The following PDE11A variants were observed in gnomAD, a reference collection of about 807,000 sequenced individuals.
PDE11A encodes dual 3',5'-cyclic-AMP and -GMP phosphodiesterase 11A.
In PDE11A, 100 loss-of-function variants were observed where a neutral mutation model predicts 100.5. That is an observed-to-expected ratio of 1.00 (90% CI 0.85 to 1.18). The LOEUF is 1.18. Ranked by LOEUF, PDE11A falls within the 50% of genes most tolerant of loss-of-function variation. PDE11A has a pLI of 0.00. For missense variants in PDE11A, 1,141 were observed against 1,152.6 expected, an observed-to-expected ratio of 0.99 and a Z score of 0.15; for synonymous variants, 381 against 420.8, an observed-to-expected ratio of 0.91 and a Z score of 1.16.
At chr2:177,929,825 G>A (rs543788185) in intron 2 of PDE11A, among the ~76,000 whole-genome samples, 9 of 152,292 alleles carry the variant, frequency 5.9e-5, no homozygotes, top group Admixed American at 4.6e-4. Flanking sequence ...CTGCTCCTGT[G>A]TGGGACTCTA....
chr2:177,639,399 G>T (rs555417814), intron 19 of PDE11A, among the ~76,000 whole-genome samples: 1 of 152,078 alleles, frequency 6.6e-6, no homozygotes, highest in South Asian at 2.1e-4. Context: ...TGGAAACAAG[G>T]CCTTTTATCT....
chr2:177,894,498 G>T (rs572690593), intron 4 of PDE11A, among the ~76,000 whole-genome samples: 4 of 152,112 alleles, frequency 2.6e-5, no homozygotes, highest in African/African-American at 9.6e-5. Flanking sequence ...CCCCCTCTTG[G>T]CCAAGGGGAC....
chr2:177,871,562 ATTATTAT>A (rs1327880165), intron 5 of PDE11A, among the ~76,000 whole-genome samples: 4 of 146,440 alleles, frequency 2.7e-5, no homozygotes, highest in Non-Finnish European at 6.0e-5. Flanking sequence ...TATTATTATT[ATTATTAT>A]TATTTTAAAT....
At chr2:178,010,601 G>C (rs910191674) in intron 2 of PDE11A, among the ~76,000 whole-genome samples, 11 of 152,258 alleles carry the variant, frequency 7.2e-5, no homozygotes, top group African/African-American at 2.6e-4. Context: ...AAGGTAATTT[G>C]TTCAAGATGT....
intron 2 of PDE11A, among the ~76,000 whole-genome samples, chr2:177,944,745 C>T (rs961354101): frequency 1.5e-4 from 23 of 151,748 alleles, no homozygotes; most frequent in African/African-American, 5.6e-4. Context: ...AGAGAGGGAG[C>T]GTGGAGCCTC....
At chr2:177,922,022 AC>A (rs2085056886) in intron 2 of PDE11A, 1 of 152,212 alleles carries the variant, frequency 6.6e-6, no homozygotes, top group South Asian at 2.1e-4. Context: ...TGTTAACTTT[AC>A]AAAACTTTCC....
intron 2 of PDE11A, among the ~76,000 whole-genome samples, chr2:177,929,158 TCC>T (rs2085172655): frequency 7.9e-6 from 1 of 126,814 alleles, no homozygotes; most frequent in Non-Finnish European, 1.8e-5. Flanking sequence ...CATCCAAATC[TCC>T]TAATCTCCTC....
intron 13 of PDE11A, among the ~76,000 whole-genome samples, chr2:177,703,324 CAT>C (rs1052188321): frequency 6.6e-6 from 1 of 152,184 alleles, no homozygotes; most frequent in Non-Finnish European, 1.5e-5. Context: ...CTCATTTACA[CAT>C]GAGGAAAACA....
intron 2 of PDE11A, among the ~76,000 whole-genome samples, chr2:177,957,910 C>CTTTTCTTTTTTTTTTTTTTTTTT (rs2085584697): frequency 8.7e-6 from 1 of 114,468 alleles, no homozygotes; most frequent in African/African-American, 4.1e-5. Flanking sequence ...TTTCCAATGC[C>CTTTTCTTTTTTTTTTTTTTTTTT]TTTTTTTTGA....
At chr2:177,709,284 G>A (rs184112582) in intron 13 of PDE11A, among the ~76,000 whole-genome samples, 152 of 152,338 alleles carry the variant, frequency 1.0e-3, no homozygotes, top group African/African-American at 3.3e-3. Flanking sequence ...TTATTCTGGA[G>A]TGCCAAGCAG....
chr2:177,819,067 C>T lies in PDE11A; in HGVS notation c.1577-1142G>A, dbSNP rs149017740. Among the ~76,000 whole-genome samples the T allele has an allele frequency of 6.6e-3, 1,011 of 152,096 alleles. 7 individuals are homozygous for T. Among genetic ancestry groups the T allele is most frequent in the Non-Finnish European group, 0.012 (820 of 67,934 alleles). ...CTTTTAGGATTGAAATGTAGGACTA[C>T]GAGATTGCCACGGAATATCAACAGG... On this transcript the variant is annotated intron_variant, in intron 7 of 19. Coordinates refer to ENST00000286063, the MANE Select transcript of PDE11A (RefSeq NM_016953.4).
intron 2 of PDE11A, among the ~76,000 whole-genome samples, chr2:177,932,511 T>G (rs1425199022): frequency 6.6e-6 from 1 of 152,060 alleles, no homozygotes; most frequent in East Asian, 1.9e-4. Flanking sequence ...TGGTTCAACA[T>G]ACACAAATTA....
chr2:178,046,649 G>C (rs2086754814), intron 1 of PDE11A, among the ~76,000 whole-genome samples: 1 of 152,166 alleles, frequency 6.6e-6, no homozygotes, highest in Non-Finnish European at 1.5e-5. Flanking sequence ...AAGTCAGGCA[G>C]GGCTGACTTA....
chr2:178,075,334 C>T (rs913658292), upstream of PDE11A, among the ~76,000 whole-genome samples: 5 of 152,072 alleles, frequency 3.3e-5, no homozygotes, highest in African/African-American at 7.2e-5. Flanking sequence ...AGGCAGATCA[C>T]TTGGGGTCAA....
At chr2:177,884,963 TC>T (rs1358056641) in intron 4 of PDE11A, among the ~76,000 whole-genome samples, 7 of 152,184 alleles carry the variant, frequency 4.6e-5, no homozygotes, top group Non-Finnish European at 7.3e-5. Context: ...TGGTGATGGT[TC>T]TATTGGCTAA....
intron 1 of PDE11A, among the ~76,000 whole-genome samples, chr2:178,041,903 T>C (rs1452884912): frequency 6.6e-6 from 1 of 152,214 alleles, no homozygotes; most frequent in Admixed American, 6.5e-5. Flanking sequence ...ACCTTGAACA[T>C]AAATTTCTGA....
intron 10 of PDE11A, among the ~76,000 whole-genome samples, chr2:177,760,798 C>A (rs2082158067): frequency 6.6e-6 from 1 of 152,148 alleles, no homozygotes; most frequent in African/African-American, 2.4e-5. Context: ...ACCCTTCAGC[C>A]AGACATTGTC....
At chr2:178,050,016 C>T (rs963315812) in intron 1 of PDE11A, among the ~76,000 whole-genome samples, 6 of 152,160 alleles carry the variant, frequency 3.9e-5, no homozygotes, top group African/African-American at 1.2e-4. Flanking sequence ...TCTCCCAGCA[C>T]GGAGTTTGAG....
rs116592526 is a variant in PDE11A at position 177,823,468 on chromosome 2, T to C, written c.1501-3173A>G. Among the ~76,000 whole-genome samples the C allele has an allele frequency of 1.5e-3, 232 of 152,284 alleles. 3 individuals carry two copies. Among genetic ancestry groups the C allele is most frequent in the African/African-American group, 5.4e-3 (224 of 41,566 alleles). On this transcript the variant is annotated intron_variant, in intron 6 of 19. Transcript: ENST00000286063. ...TAGATGTTCACTCTCTGTCTGGCAT[T>C]CCGCTCAGCACTTTCTTATGCATTA...
Sources: gnomAD v4.1 joint callset for allele counts (sites outside exome capture counted in the v4.1 genomes callset) on GRCh38, gnomAD v4.1.1 for gene constraint, MANE v1.5 for transcripts, NCBI Gene and HGNC (gene_info 2026-07-23, HGNC 2026-07-21) for gene names.